Variants in EEF1AKMT2 observed in about 807,000 individuals in gnomAD.
The protein encoded by EEF1AKMT2 is eukaryotic translation elongation factor 1 alpha lysine methyltransferase 2.
A neutral mutation model predicts 35.8 loss-of-function variants in EEF1AKMT2; 32 were observed. That is an observed-to-expected ratio of 0.89 (90% CI 0.67 to 1.20). The LOEUF is 1.20. Among genes scored for constraint, EEF1AKMT2 ranks in the 50% most tolerant of loss-of-function variants. EEF1AKMT2 has a pLI of 0.00. For missense variants in EEF1AKMT2, 330 were observed against 347.5 expected, an observed-to-expected ratio of 0.95 and a Z score of 0.40; for synonymous variants, 121 against 133.7, an observed-to-expected ratio of 0.91 and a Z score of 0.65.
chr10:124,762,228 T>C, intron 6 of EEF1AKMT2, 72 bp downstream of exon 6: 10 of 1,029,938 alleles, frequency 9.7e-6, no homozygotes, highest in Non-Finnish European at 1.2e-5. Flanking sequence ...ATGTAGTGTT[T>C]TCCTAAACTA....
intron 3 of EEF1AKMT2, among the ~76,000 whole-genome samples, chr10:124,782,012 T>C (rs1398215196): frequency 1.3e-5 from 2 of 151,818 alleles, no homozygotes; most frequent in East Asian, 3.9e-4. Context: ...TTGACAACTA[T>C]ATATATTGTA....
intron 4 of EEF1AKMT2, among the ~76,000 whole-genome samples, chr10:124,774,085 G>A (rs1217204240): frequency 6.6e-6 from 1 of 152,100 alleles, no homozygotes; most frequent in Non-Finnish European, 1.5e-5. Context: ...CTTTTGATGT[G>A]GGCAGGGCGC....
intron 4 of EEF1AKMT2, among the ~76,000 whole-genome samples, chr10:124,771,234 A>G (rs1002274530): frequency 1.2e-4 from 18 of 151,688 alleles, no homozygotes; most frequent in Non-Finnish European, 2.1e-4. Flanking sequence ...CAAGTAGCTG[A>G]GACTACAGGC....
At chr10:124,757,164 TCCCACACA>T (rs1367710535), downstream of EEF1AKMT2, among the ~76,000 whole-genome samples, 2 of 98,036 alleles carry the variant, frequency 2.0e-5, no homozygotes, top group Non-Finnish European at 3.9e-5. Context: ...CAACACTCCC[TCCCACACA>T]CACACACACA....
intron 3 of EEF1AKMT2, among the ~76,000 whole-genome samples, chr10:124,779,956 G>A (rs1313971523): frequency 4.0e-5 from 6 of 150,972 alleles, no homozygotes; most frequent in East Asian, 2.0e-4. Flanking sequence ...CCAGCTACTC[G>A]GGAGGCTGAG....
At chr10:124,764,882 G>A (rs888982067) in intron 5 of EEF1AKMT2, among the ~76,000 whole-genome samples, 3 of 152,118 alleles carry the variant, frequency 2.0e-5, no homozygotes, top group East Asian at 1.9e-4. Context: ...AAGATTGTAC[G>A]ACTCAAATAG....
intron 3 of EEF1AKMT2, among the ~76,000 whole-genome samples, chr10:124,781,376 C>T (rs893784634): frequency 2.0e-5 from 3 of 151,514 alleles, no homozygotes; most frequent in Non-Finnish European, 2.9e-5. Flanking sequence ...GTCAGAAATT[C>T]GAGACCAGCC....
chr10:124,791,849 G>T lies in EEF1AKMT2; in HGVS notation c.-16C>A, dbSNP rs775745102. Reference sequence around the variant, plus strand: ...CCGAGCTCATTTCGCTCCACGTCCTGGACGGCCGTTGGGGCCGCCATAGAG... The same window carrying T: ...CCGAGCTCATTTCGCTCCACGTCCTTGACGGCCGTTGGGGCCGCCATAGAG... On this transcript the variant is annotated 5_prime_UTR_variant, in exon 1 of 7. Coordinates refer to ENST00000368836, the MANE Select transcript of EEF1AKMT2 (RefSeq NM_212554.4). The T allele has an allele frequency of 6.4e-7, 1 of 1,555,538 alleles. No homozygotes were observed. The highest frequency in any genetic ancestry group is 8.6e-7 in the Non-Finnish European group (1 of 1,156,964).
At chr10:124,771,738 A>G (rs534972608) in intron 4 of EEF1AKMT2, among the ~76,000 whole-genome samples, 27 of 152,014 alleles carry the variant, frequency 1.8e-4, no homozygotes, top group South Asian at 1.7e-3. Context: ...GTGTGGTGGC[A>G]GGCACCTGTA....
intron 4 of EEF1AKMT2, among the ~76,000 whole-genome samples, chr10:124,771,826 G>A (rs1950439816): frequency 6.6e-6 from 1 of 152,104 alleles, no homozygotes; most frequent in Non-Finnish European, 1.5e-5. Context: ...CTGAGATCGA[G>A]TCACTACACT....
intron 3 of EEF1AKMT2, among the ~76,000 whole-genome samples, chr10:124,788,710 T>TCATATATATATATATATATATATATA (rs1950608376): frequency 2.2e-5 from 2 of 92,506 alleles, no homozygotes; most frequent in Non-Finnish European, 4.8e-5. Flanking sequence ...AAGGTCATCT[T>TCATATATATATATATATATATATATA]TATATATATA....
rs549405039 is a variant in EEF1AKMT2 at position 124,784,776 on chromosome 10, C to T, written c.291+4267G>A. On this transcript the variant is annotated intron_variant, in intron 3 of 6. Transcript: ENST00000368836. ...TGAAACGCTGTCTCTACTAAAAATA[C>T]AAAAATTAGCGGGGCATGGTGACAC... Among the ~76,000 whole-genome samples, 4 of 151,910 alleles carry T rather than the reference C, an allele frequency of 2.6e-5. No homozygotes were observed. The South Asian group carries it at 8.3e-4, about 32-fold the overall frequency.
chr10:124,791,252 C>G (rs1395613939), intron 1 of EEF1AKMT2, among the ~76,000 whole-genome samples: 2 of 152,098 alleles, frequency 1.3e-5, no homozygotes, highest in African/African-American at 4.8e-5. Flanking sequence ...CCCAAGATCC[C>G]CCACTATCTC....
rs1950371424 is a variant in EEF1AKMT2, at chr10:124,765,507, A to G, written c.501T>C (p.Ile167=). Reference sequence around the variant, plus strand: ...ATTTCACATATTGCTTCCTCTTCTCAATTGCATTGTCAGGATTAAGGCTTA... The same window carrying G: ...ATTTCACATATTGCTTCCTCTTCTCGATTGCATTGTCAGGATTAAGGCTTA... ...DAISLNPDNA[I]EKRKQYVKSL... The change falls in exon 5 of 7, where the codon ATT becomes ATC. Residue 167 remains isoleucine, a synonymous_variant. Transcript: ENST00000368836. 6.2e-7 allele frequency: 1 copy of G among 1,613,872 alleles called. No homozygotes were observed. Among genetic ancestry groups the G allele is most frequent in the Non-Finnish European group, 8.5e-7 (1 of 1,179,942 alleles).
intron 4 of EEF1AKMT2, among the ~76,000 whole-genome samples, chr10:124,772,051 T>C (rs146670677): frequency 0.012 from 1,855 of 152,268 alleles, 26 homozygotes; most frequent in African/African-American, 0.042. Context: ...GGCTTTGTTG[T>C]TCCATTTATA....
At chr10:124,777,531 T>C (rs867783898) in intron 3 of EEF1AKMT2, among the ~76,000 whole-genome samples, 1 of 151,928 alleles carries the variant, frequency 6.6e-6, no homozygotes, top group South Asian at 2.1e-4. Context: ...TTTTTTTTTT[T>C]TTTTTGAGAC....
rs1205655111 is a variant in EEF1AKMT2, at chr10:124,762,473, T to G, written c.702A>C (p.Val234=). ...QAIFSTSASR[V]GGTTGTHHHA... is the part of the protein sequence containing the mutation. Reference sequence around the variant, plus strand: ...GATGATGTGTGCCTGTAGTTCCACCTACTCGGGAGGCTGAAGTGGAAAAGA... The same window carrying G: ...GATGATGTGTGCCTGTAGTTCCACCGACTCGGGAGGCTGAAGTGGAAAAGA... The change falls in exon 6 of 7, where the codon GTA becomes GTC. Residue 234 remains valine (V), a synonymous_variant. Coordinates refer to ENST00000368836, the MANE Select transcript of EEF1AKMT2 (RefSeq NM_212554.4). 7.7e-7 allele frequency: 1 copy of G among 1,295,006 alleles called. No individual in the cohort carries two copies. Among genetic ancestry groups the G allele is most frequent in the East Asian group, 5.6e-5 (1 of 17,928 alleles). The allele number at this position is 1,295,006 out of a possible 1,614,324, so 80.2% of individuals were successfully genotyped here.
intron 6 of EEF1AKMT2, among the ~76,000 whole-genome samples, chr10:124,761,557 G>A (rs1277583358): frequency 2.0e-5 from 3 of 152,096 alleles, no homozygotes; most frequent in African/African-American, 7.2e-5. Context: ...TTAACTTGGC[G>A]TCTAAAATCC....
rs757459304 is a variant in EEF1AKMT2 at position 124,777,002 on chromosome 10, G to A, written c.292-2220C>T. On this transcript the variant is annotated intron_variant, in intron 3 of 6. Transcript: ENST00000368836. ...GAATATCAAAGACATAATATGGGCC[G>A]GGCATGGTGGCTCAAGCTTGTAATC... 6.6e-5 allele frequency among the ~76,000 whole-genome samples: 10 copies of A among 151,866 alleles called. 1 individual carries two copies. The highest frequency in any genetic ancestry group is 1.5e-4 in the Non-Finnish European group (10 of 67,954).
Sources: allele counts gnomAD v4.1 joint callset (sites outside exome capture counted in the v4.1 genomes callset), GRCh38; gene constraint gnomAD v4.1.1; transcripts MANE v1.5; gene names NCBI Gene and HGNC (gene_info 2026-07-23, HGNC 2026-07-21).